Variants in MYO5C observed in about 807,000 individuals in gnomAD.
The protein encoded by MYO5C is unconventional myosin-Vc.
MYO5C carries 194 observed loss-of-function variants against 235.7 expected under a neutral mutation model. The observed-to-expected ratio is 0.82, with a 90% confidence interval of 0.73 to 0.93. The LOEUF is 0.93. Ranked by LOEUF, MYO5C falls within the 40% of genes least tolerant of loss-of-function variation. MYO5C has a pLI of 0.00. For synonymous variants in MYO5C, 707 were observed against 754.8 expected, an observed-to-expected ratio of 0.94 and a Z score of 1.04; for missense variants, 2,038 against 2,127.2, an observed-to-expected ratio of 0.96 and a Z score of 0.82.
intron 25 of MYO5C, among the ~76,000 whole-genome samples, chr15:52,227,208 TTG>T (rs201868920): frequency 0.11 from 11,964 of 108,750 alleles, 1,548 homozygotes; most frequent in East Asian, 0.64. Flanking sequence ...TTTTTTTTTT[TTG>T]TTGAGACGGA....
intron 8 of MYO5C, among the ~76,000 whole-genome samples, chr15:52,267,250 T>C (rs949044379): frequency 3.3e-5 from 5 of 152,154 alleles, no homozygotes; most frequent in African/African-American, 7.2e-5. Context: ...CTTTGGACAA[T>C]TGGGAATGTA....
chr15:52,247,121 T>C, intron 15 of MYO5C, 107 bp from the exon 16 acceptor site: 1 of 925,724 alleles, frequency 1.1e-6, no homozygotes, highest in South Asian at 1.6e-5. Context: ...GAAGAAAAGT[T>C]AACCTCATGC....
chr15:52,216,322 C>G (rs2035551064), intron 32 of MYO5C, among the ~76,000 whole-genome samples: 1 of 152,146 alleles, frequency 6.6e-6, no homozygotes, highest in Non-Finnish European at 1.5e-5. Flanking sequence ...TCAAGCAGTC[C>G]TCTTGCCTCA....
intron 1 of MYO5C, among the ~76,000 whole-genome samples, chr15:52,289,986 AAC>A (rs1336420764): frequency 2.0e-5 from 3 of 152,104 alleles, no homozygotes; most frequent in Non-Finnish European, 2.9e-5. Context: ...TCCAAGAGCA[AAC>A]AGCTCTGAAC....
At chr15:52,240,470 C>T (rs1411768159) in intron 20 of MYO5C, among the ~76,000 whole-genome samples, 2 of 142,494 alleles carry the variant, frequency 1.4e-5, no homozygotes, top group African/African-American at 5.1e-5. Flanking sequence ...ACTCAGGAGG[C>T]TGAGGCATGA....
At chr15:52,293,785 G>A (rs903248756) in intron 1 of MYO5C, among the ~76,000 whole-genome samples, 5 of 152,152 alleles carry the variant, frequency 3.3e-5, no homozygotes, top group Non-Finnish European at 5.9e-5. Flanking sequence ...GCCCAAGGGC[G>A]CTGCTGGCAT....
At chr15:52,220,220 GTTCCACATAAATA>G (rs750997132) in intron 30 of MYO5C, among the ~76,000 whole-genome samples, 3 of 152,162 alleles carry the variant, frequency 2.0e-5, no homozygotes, top group African/African-American at 2.4e-5. Context: ...TTTAAAAATT[GTTCCACATAAATA>G]TTCCACATAA....
chr15:52,215,227 T>G (rs574146757), intron 32 of MYO5C, among the ~76,000 whole-genome samples: 1 of 152,326 alleles, frequency 6.6e-6, no homozygotes, highest in East Asian at 1.9e-4. Context: ...AAAATGGGCT[T>G]TCTAGATTTC....
intron 33 of MYO5C, 98 bp from the exon 34 acceptor site, chr15:52,213,384 C>A: frequency 1.2e-6 from 1 of 804,098 alleles, no homozygotes; most frequent in Non-Finnish European, 2.1e-6. Context: ...CTGGTTTGCA[C>A]GTAAATGTCT....
chr15:52,275,498 A>G (rs1313410515), intron 5 of MYO5C, 64 bp downstream of exon 5: 1 of 1,599,108 alleles, frequency 6.3e-7, no homozygotes, highest in Non-Finnish European at 8.6e-7. Flanking sequence ...CCAGGAGAGC[A>G]CACAAACCAA....
intron 33 of MYO5C, 144 bp downstream of exon 33, chr15:52,214,459 G>A (rs559394707): frequency 1.3e-5 from 7 of 555,870 alleles, no homozygotes; most frequent in African/African-American, 7.8e-5. Context: ...GGATCCTTTC[G>A]TTAGCCCAGC....
At chr15:52,259,430 A>AG (rs1164057096) in intron 10 of MYO5C, among the ~76,000 whole-genome samples, 17 of 151,582 alleles carry the variant, frequency 1.1e-4, no homozygotes, top group Non-Finnish European at 2.2e-4. Context: ...AAAAAAAAAA[A>AG]AAAGAAAAAA....
intron 33 of MYO5C, among the ~76,000 whole-genome samples, chr15:52,214,164 C>A (rs142115733): frequency 1.3e-5 from 2 of 152,280 alleles, no homozygotes; most frequent in East Asian, 3.9e-4. Context: ...CACAGAGGCT[C>A]ACGAGGATGC....
chr15:52,292,740 T>C (rs1273632779), intron 1 of MYO5C, among the ~76,000 whole-genome samples: 1 of 152,182 alleles, frequency 6.6e-6, no homozygotes, highest in African/African-American at 2.4e-5. Context: ...TACCAGGCAA[T>C]ATGGAAGGCA....
chr15:52,216,149 T>C (rs1221974407), intron 32 of MYO5C, among the ~76,000 whole-genome samples: 1 of 152,242 alleles, frequency 6.6e-6, no homozygotes, highest in East Asian at 1.9e-4. Flanking sequence ...AGCAACCATG[T>C]ATGACAGTGC....
intron 30 of MYO5C, among the ~76,000 whole-genome samples, chr15:52,220,217 A>T (rs1034953195): frequency 2.6e-5 from 4 of 152,244 alleles, no homozygotes; most frequent in Non-Finnish European, 5.9e-5. Context: ...TCATTTAAAA[A>T]TTGTTCCACA....
intron 25 of MYO5C, among the ~76,000 whole-genome samples, chr15:52,228,701 A>G (rs1245860474): frequency 6.6e-6 from 1 of 152,250 alleles, no homozygotes; most frequent in African/African-American, 2.4e-5. Context: ...CTTATTAACT[A>G]CATTCACCAC....
chr15:52,289,389 T>G (rs1032497205), intron 1 of MYO5C, among the ~76,000 whole-genome samples: 2 of 152,126 alleles, frequency 1.3e-5, no homozygotes, highest in Non-Finnish European at 2.9e-5. Context: ...AATGTCCTCA[T>G]AGACTCATAA....
chr15:52,264,145 T>C, intron 9 of MYO5C, 45 bp downstream of exon 9: 1 of 1,465,872 alleles, frequency 6.8e-7, no homozygotes, highest in Non-Finnish European at 9.5e-7. Context: ...CCAGTTCCAC[T>C]ATGACCCTTA....
Sources: allele counts gnomAD v4.1 joint callset (sites outside exome capture counted in the v4.1 genomes callset), GRCh38; gene constraint gnomAD v4.1.1; transcripts MANE v1.5; gene names NCBI Gene and HGNC (gene_info 2026-07-23, HGNC 2026-07-21).